Variants in RAB1A observed in about 807,000 individuals in gnomAD.
The protein encoded by RAB1A is RAB1A, member RAS oncogene family, also known as ras-related protein Rab-1A.
In RAB1A, 2 loss-of-function variants were observed where a neutral mutation model predicts 26.0. That is an observed-to-expected ratio of 0.08 (90% CI 0.03 to 0.24). The LOEUF (loss-of-function observed/expected upper bound fraction) is 0.24. Among genes scored for constraint, RAB1A ranks in the 10% least tolerant of loss-of-function variants. The pLI is 1.00. For synonymous variants in RAB1A, 84 were observed against 84.9 expected, an observed-to-expected ratio of 0.99 and a Z score of 0.06; for missense variants, 100 against 247.0, an observed-to-expected ratio of 0.40 and a Z score of 3.99.
rs1290690531 is a variant in RAB1A, at chr2:65,089,089, G to C, written c.289-19C>G. The C allele has an allele frequency of 6.3e-7, 1 of 1,589,986 alleles. No individual in the cohort carries two copies. Among genetic ancestry groups the C allele is most frequent in the South Asian group, 1.1e-5 (1 of 89,278 alleles). ...AGGACTCCTAAAAAGACATTTGAAA[G>C]ACTGATAATATAGTTCGATAATATA... On this transcript the variant is annotated intron_variant, in intron 4 of 5. Transcript: ENST00000409784.
intron 2 of RAB1A, among the ~76,000 whole-genome samples, chr2:65,100,772 A>C (rs1228760649): frequency 6.6e-6 from 1 of 151,902 alleles, no homozygotes; most frequent in Non-Finnish European, 1.5e-5. Context: ...CCAAAAAAAA[A>C]AAAAAAAAAA....
At chr2:65,120,038 T>A (rs1476550185) in intron 1 of RAB1A, among the ~76,000 whole-genome samples, 1 of 151,968 alleles carries the variant, frequency 6.6e-6, no homozygotes, top group Non-Finnish European at 1.5e-5. Flanking sequence ...AAGCACTACA[T>A]AATTATCCAC....
rs1219324503 is a variant in RAB1A, at chr2:65,130,052, C to G, written c.-137G>C. On this transcript the variant is annotated 5_prime_UTR_variant, in exon 1 of 6. Transcript: ENST00000409784. ...GAGCAAACGTCTTCCCCTACTCCGT[C>G]CCCTAGAACACAATCAGCAGCCGCC... 2.1e-6 allele frequency: 2 copies of G among 969,736 alleles called. No individual in the cohort carries two copies. The highest frequency in any genetic ancestry group is 3.2e-5 in the African/African-American group (2 of 61,758). 60.1% of individuals were successfully genotyped at this position (969,736 alleles called of 1,614,324 possible).
chr2:65,108,421 G>C (rs1348926873), intron 1 of RAB1A, among the ~76,000 whole-genome samples: 1 of 151,240 alleles, frequency 6.6e-6, no homozygotes, highest in Admixed American at 6.6e-5. Flanking sequence ...GTTACATTAT[G>C]GTTTCAAGAA....
chr2:65,114,950 T>TTC (rs1669791872), intron 1 of RAB1A, among the ~76,000 whole-genome samples: 2 of 152,164 alleles, frequency 1.3e-5, no homozygotes, highest in South Asian at 4.1e-4. Flanking sequence ...GATTAATGCA[T>TTC]TCTCTCAAAA....
At position 65,115,163 on chromosome 2, in the gene RAB1A, G is replaced by A. The variant is rs111986703; in HGVS notation, c.24-10357C>T. 4.3e-3 allele frequency among the ~76,000 whole-genome samples: 649 copies of A among 152,248 alleles called. 5 individuals are homozygous for A. The highest frequency in any genetic ancestry group is 0.015 in the African/African-American group (625 of 41,552). ...CTACTGTTTATAAATTACCCAGTCT[G>A]TGCTATTCTGTTATAGCAGCAGAAA... On this transcript the variant is annotated intron_variant, in intron 1 of 5. Coordinates refer to ENST00000409784, the MANE Select transcript of RAB1A (RefSeq NM_004161.5).
At chr2:65,108,005 A>T (rs1033237036) in intron 1 of RAB1A, among the ~76,000 whole-genome samples, 2 of 148,920 alleles carry the variant, frequency 1.3e-5, no homozygotes, top group Non-Finnish European at 3.0e-5. Context: ...TGGAGGTTGC[A>T]GTGAGCTCAG....
intron 1 of RAB1A, among the ~76,000 whole-genome samples, chr2:65,113,127 T>TG (rs879739312): frequency 3.3e-5 from 5 of 152,100 alleles, no homozygotes; most frequent in Non-Finnish European, 5.9e-5. Context: ...GCTTAACAGA[T>TG]GGGGAAAAAT....
In RAB1A at chr2:65,104,822, GA is replaced by G; in HGVS notation, c.24-17del. 6.3e-7 allele frequency: 1 copy of G among 1,591,482 alleles called. No individual in the cohort carries two copies. Among genetic ancestry groups the G allele is most frequent in the Non-Finnish European group, 8.6e-7 (1 of 1,160,028 alleles). Reference sequence around the variant, plus strand: ...TAAATAATCACTGCAAAAAGAAAAAGAAAATGATGTTAATAAAAAGCACACT... The same window carrying G: ...TAAATAATCACTGCAAAAAGAAAAAGAAATGATGTTAATAAAAAGCACACT... On this transcript the variant is annotated splice_polypyrimidine_tract_variant and intron_variant, in intron 1 of 5. Transcript: ENST00000409784.
chr2:65,126,423 A>G (rs1670103695), intron 1 of RAB1A, among the ~76,000 whole-genome samples: 1 of 152,158 alleles, frequency 6.6e-6, no homozygotes, highest in South Asian at 2.1e-4. Flanking sequence ...CCCGGGCGAC[A>G]GAGCAAGATT....
rs139941864 is a variant in RAB1A, at chr2:65,097,440, C to T, written c.192+531G>A. 1.2e-3 allele frequency among the ~76,000 whole-genome samples: 189 copies of T among 152,226 alleles called. 1 individual carries two copies. Among genetic ancestry groups the T allele is most frequent in the African/African-American group, 4.1e-3 (172 of 41,526 alleles). ...GCAAGTCATTAAATCTTTCAGCATT[C>T]GTTTTTTTGAGCAGTAAAATGAACA... On this transcript the variant is annotated intron_variant, in intron 3 of 5. Coordinates refer to ENST00000409784, the MANE Select transcript of RAB1A (RefSeq NM_004161.5).
intron 1 of RAB1A, among the ~76,000 whole-genome samples, chr2:65,115,738 A>T (rs539790615): frequency 6.6e-6 from 1 of 152,336 alleles, no homozygotes; most frequent in East Asian, 1.9e-4. Context: ...CATTCAGATG[A>T]ACCATCTTAA....
intron 2 of RAB1A, among the ~76,000 whole-genome samples, chr2:65,100,657 G>C (rs1305828904): frequency 1.3e-5 from 2 of 150,906 alleles, no homozygotes; most frequent in African/African-American, 4.9e-5. Context: ...CTAGTCAGGA[G>C]ACCAAGATGG....
At chr2:65,097,441 GTTT>G (rs1173655726) in intron 3 of RAB1A, among the ~76,000 whole-genome samples, 1 of 152,028 alleles carries the variant, frequency 6.6e-6, no homozygotes, top group Non-Finnish European at 1.5e-5. Context: ...TTCAGCATTC[GTTT>G]TTTTGAGCAG....
At chr2:65,109,627 T>A (rs12713530) in intron 1 of RAB1A, among the ~76,000 whole-genome samples, 1 of 151,696 alleles carries the variant, frequency 6.6e-6, no homozygotes, top group Non-Finnish European at 1.5e-5. Context: ...GGAGAATCAC[T>A]TGGACCCAGG....
intron 4 of RAB1A, 143 bp from the exon 5 acceptor site, chr2:65,089,213 G>A (rs1248331402): frequency 4.9e-6 from 4 of 810,714 alleles, no homozygotes; most frequent in Admixed American, 3.0e-5. Flanking sequence ...GCTAAGGAGT[G>A]AAGAGATTTT....
At chr2:65,125,461 C>A (rs1355279963) in intron 1 of RAB1A, among the ~76,000 whole-genome samples, 4 of 146,184 alleles carry the variant, frequency 2.7e-5, no homozygotes, top group Non-Finnish European at 6.0e-5. Flanking sequence ...TCACTCTGTC[C>A]CTCAGGCTGG....
rs1487122288 is a variant in RAB1A at position 65,104,761 on chromosome 2, T to C, written c.69A>G (p.Gly23=). ...KLLLIGDSGV[G]KSCLLLRFAD... is the part of the protein sequence containing the mutation. The stretch of plus-strand genomic sequence containing the variant: ...CAAACCTAAGAAGAAGGCAAGACTT[T>C]CCAACCCCTGAGTCGCCAATCAGAA... The change falls in exon 2 of 6, where the codon GGA becomes GGG. Residue 23 remains glycine, a synonymous_variant. Coordinates refer to ENST00000409784, the MANE Select transcript of RAB1A (RefSeq NM_004161.5). The C allele has an allele frequency of 4.4e-6, 7 of 1,600,826 alleles. No homozygotes were observed. The highest frequency in any genetic ancestry group is 6.0e-6 in the Non-Finnish European group (7 of 1,172,418).
chr2:65,129,999 G>C lies in RAB1A; in HGVS notation c.-84C>G, dbSNP rs1670201822. 1 of 1,452,002 alleles carries C rather than the reference G, an allele frequency of 6.9e-7. No individual in the cohort carries two copies. Among genetic ancestry groups the C allele is most frequent in the African/African-American group, 1.4e-5 (1 of 71,020 alleles). The allele number at this position is 1,452,002 out of a possible 1,614,324, so 89.9% of individuals were successfully genotyped here. A position where few individuals can be genotyped will look rare whatever the true frequency, so the allele number is the denominator to read the frequency against. On this transcript the variant is annotated 5_prime_UTR_variant, in exon 1 of 6. Coordinates refer to ENST00000409784, the MANE Select transcript of RAB1A (RefSeq NM_004161.5). The stretch of plus-strand genomic sequence containing the variant: ...CTCTCCGCGCCACGGGTAATCGAAA[G>C]AAAGGAATGAGATAGGCTGTTCCGG...
Sources: gnomAD v4.1 joint callset for allele counts (sites outside exome capture counted in the v4.1 genomes callset) on GRCh38, gnomAD v4.1.1 for gene constraint, MANE v1.5 for transcripts, NCBI Gene and HGNC (gene_info 2026-07-23, HGNC 2026-07-21) for gene names.